MKRN1: variants seen among roughly 807,000 people sequenced by gnomAD.
The protein encoded by MKRN1 is makorin ring finger protein 1, also known as E3 ubiquitin-protein ligase makorin-1.
Under a neutral mutation model 55.5 loss-of-function variants are expected in MKRN1, and 9 were observed. The ratio of observed to expected loss-of-function variants is 0.16; its 90% CI spans 0.10 to 0.28. The LOEUF (loss-of-function observed/expected upper bound fraction) is 0.28. Among genes scored for constraint, MKRN1 ranks in the 10% least tolerant of loss-of-function variants. The pLI, the probability that MKRN1 is intolerant of heterozygous loss-of-function variation, is 1.00. For missense variants in MKRN1, 488 were observed against 626.7 expected (o/e 0.78, Z 2.36); for synonymous variants, 253 against 235.9 (o/e 1.07, Z -0.66).
At position 140,454,430 on chromosome 7, in the gene MKRN1, A is replaced by G; in HGVS notation, c.*87T>C. On this transcript the variant is annotated 3_prime_UTR_variant, in exon 8 of 8. Coordinates refer to ENST00000255977, the MANE Select transcript of MKRN1 (RefSeq NM_013446.4). Reference sequence around the variant, plus strand: ...GCACCTGGAGTTGAGAGGCCTGCCTAGGAGAGAACACAGGCACTGCCACAC... The same window carrying G: ...GCACCTGGAGTTGAGAGGCCTGCCTGGGAGAGAACACAGGCACTGCCACAC... 7.6e-7 allele frequency: 1 copy of G among 1,312,340 alleles called. No homozygotes were observed. Among genetic ancestry groups the G allele is most frequent in the Non-Finnish European group, 1.1e-6 (1 of 929,144 alleles). The allele number at this position is 1,312,340 out of a possible 1,614,324, so 81.3% of individuals were successfully genotyped here. A position where few individuals can be genotyped will look rare whatever the true frequency, so the allele number is the denominator to read the frequency against.
At chr7:140,468,078 A>C (rs1231377770) in intron 2 of MKRN1, among the ~76,000 whole-genome samples, 2 of 150,694 alleles carry the variant, frequency 1.3e-5, no homozygotes, top group Non-Finnish European at 2.9e-5. Context: ...CATTCACTCC[A>C]TCTACACAGT....
intron 2 of MKRN1, among the ~76,000 whole-genome samples, chr7:140,468,721 AAAAAGAC>A (rs1794839203): frequency 7.0e-6 from 1 of 142,676 alleles, no homozygotes; most frequent in South Asian, 2.2e-4. Flanking sequence ...AAAAAAAAAA[AAAAAGAC>A]ATGCCTGGTG....
chr7:140,473,701 AAAGGTAG>A (rs1347859525), intron 1 of MKRN1: 2 of 152,454 alleles, frequency 1.3e-5, no homozygotes, highest in African/African-American at 4.8e-5. Context: ...CTTGTTAGAA[AAAGGTAG>A]AAAGCCGGGT....
In MKRN1 at chr7:140,479,290, C is replaced by A. The variant is rs1457592414; in HGVS notation, c.55G>T (p.Ala19Ser). ...TTATTSGAGA[A>S]AATAAAASPT... is the part of the protein sequence containing the mutation. ...GAGGCTGCTGCCGCCGTCGCCGCTG[C>A]CGCTCCTGCTCCTGATGTTGTGGCT... is the stretch of plus-strand genomic sequence containing the variant. The change falls in exon 1 of 8, where the codon GCA becomes TCA. Residue 19 changes from alanine to serine, a missense_variant. Transcript: ENST00000255977. 1.4e-6 allele frequency: 2 copies of A among 1,387,734 alleles called. No homozygotes were observed. The highest frequency in any genetic ancestry group is 9.3e-7 in the Non-Finnish European group (1 of 1,070,384). The allele number at this position is 1,387,734 out of a possible 1,614,324, so 86.0% of individuals were successfully genotyped here. A position where few individuals can be genotyped will look rare whatever the true frequency, so the allele number is the denominator to read the frequency against.
chr7:140,470,382 C>T (rs999589341), intron 2 of MKRN1, among the ~76,000 whole-genome samples: 7 of 151,906 alleles, frequency 4.6e-5, no homozygotes, highest in Admixed American at 6.6e-5. Context: ...GTCAGGAGTT[C>T]GAGACCAGCC....
intron 2 of MKRN1, among the ~76,000 whole-genome samples, chr7:140,469,086 G>A (rs1318219526): frequency 6.6e-6 from 1 of 152,098 alleles, no homozygotes; most frequent in African/African-American, 2.4e-5. Context: ...CAGCACTTTG[G>A]GAGGCTGAGG....
intron 2 of MKRN1, among the ~76,000 whole-genome samples, chr7:140,463,684 G>C (rs1264365194): frequency 3.9e-5 from 6 of 151,962 alleles, no homozygotes; most frequent in Non-Finnish European, 8.8e-5. Flanking sequence ...AGGAGATGGA[G>C]ACCATCCTGG....
chr7:140,472,192 G>A lies in MKRN1; in HGVS notation c.186-181C>T, dbSNP rs966831303. 7.5e-6 allele frequency: 6 copies of A among 798,074 alleles called. No homozygotes were observed. The African/African-American group carries it at 1.1e-4, about 14-fold the overall frequency. The allele number at this position is 798,074 out of a possible 1,614,324, so 49.4% of individuals were successfully genotyped here. A position where few individuals can be genotyped will look rare whatever the true frequency, so the allele number is the denominator to read the frequency against. ...CCCAGTACCTTTGGGAGGCTGAGGT[G>A]AGTGGCTCACCTGAGGTCAGGGGTC... On this transcript the variant is annotated intron_variant, in intron 1 of 7. Coordinates refer to ENST00000255977, the MANE Select transcript of MKRN1 (RefSeq NM_013446.4).
At chr7:140,461,164 C>T (rs1252780713) in intron 2 of MKRN1, among the ~76,000 whole-genome samples, 1 of 152,214 alleles carries the variant, frequency 6.6e-6, no homozygotes, top group African/African-American at 2.4e-5. Context: ...AATGCTGTCA[C>T]TATTAAAAGG....
Position 140,455,153 on chromosome 7 carries a change from G to A in MKRN1, c.1178C>T (p.Pro393Leu). 6.2e-7 allele frequency: 1 copy of A among 1,614,066 alleles called. No individual in the cohort carries two copies. The highest frequency in any genetic ancestry group is 8.5e-7 in the Non-Finnish European group (1 of 1,180,018). The change falls in exon 7 of 8, where the codon CCT becomes CTT. Residue 393 changes from proline (P) to leucine (L), a missense_variant. Transcript: ENST00000255977. ...GGNCFYKHAY[P>L]DGRREEPQRQ... The stretch of plus-strand genomic sequence containing the variant: ...CTGTGGCTCCTCTCTACGGCCATCA[G>A]GGTACGCATGCTTGTAAAAACAGTT...
At position 140,471,950 on chromosome 7, in the gene MKRN1, C is replaced by T; in HGVS notation, c.247G>A (p.Asp83Asn). Residue 83 changes from aspartate to asparagine, a missense_variant, in exon 2 of 8, where the codon GAC becomes AAC. Transcript: ENST00000255977. ...TTGCACACTACACTATACGGACTGT[C>T]AGAGAGGTCATGCGAGTAGCGACAG... The part of the protein sequence containing the change: ...DNCRYSHDLS[D>N]SPYSVVCKYF... The T allele has an allele frequency of 6.2e-7, 1 of 1,614,130 alleles. No individual in the cohort carries two copies. Among genetic ancestry groups the T allele is most frequent in the Non-Finnish European group, 8.5e-7 (1 of 1,180,030 alleles).
At chr7:140,454,939 C>A (rs1794425014) in intron 7 of MKRN1, among the ~76,000 whole-genome samples, 156 bp downstream of exon 7, 1 of 152,132 alleles carries the variant, frequency 6.6e-6, no homozygotes. Flanking sequence ...CCTTTCCTAT[C>A]CCTCCCAGTT....
intron 5 of MKRN1, 176 bp downstream of exon 5, chr7:140,456,476 G>A: frequency 7.0e-7 from 1 of 1,430,406 alleles, no homozygotes; most frequent in Non-Finnish European, 9.1e-7. Context: ...AAAGTAGATA[G>A]ACCAACTAAC....
In MKRN1 at chr7:140,453,674, A is replaced by G. The variant is rs1388449970; in HGVS notation, c.*843T>C. On this transcript the variant is annotated 3_prime_UTR_variant, in exon 8 of 8. Transcript: ENST00000255977. ...AGCACTGCTATATTGACAACTACCA[A>G]TATACTGCTTTGCCCTTTAAGATCT... 1 of 152,312 alleles carries G rather than the reference A, an allele frequency of 6.6e-6. No homozygotes were observed. Among genetic ancestry groups the G allele is most frequent in the Non-Finnish European group, 1.5e-5 (1 of 68,084 alleles). 9.4% of individuals were successfully genotyped at this position (152,312 alleles called of 1,614,324 possible). A position where few individuals can be genotyped will look rare whatever the true frequency, so the allele number is the denominator to read the frequency against.
chr7:140,468,954 C>T (rs1794844720), intron 2 of MKRN1, among the ~76,000 whole-genome samples: 2 of 152,068 alleles, frequency 1.3e-5, no homozygotes, highest in Admixed American at 1.3e-4. Flanking sequence ...ACATTAATAT[C>T]CCACACCATC....
At chr7:140,473,925 G>A (rs893559219) in intron 1 of MKRN1, 15 of 150,618 alleles carry the variant, frequency 1.0e-4, no homozygotes, top group African/African-American at 3.7e-4. Flanking sequence ...CCAGGAGATG[G>A]CGATTGCACC....
intron 1 of MKRN1, chr7:140,473,246 C>CA (rs1260685540): frequency 2.2e-6 from 1 of 448,742 alleles, no homozygotes; most frequent in Non-Finnish European, 4.4e-6. Context: ...AGATTCACCC[C>CA]AAGTTGAGTT....
chr7:140,472,171 G>T, intron 1 of MKRN1, 160 bp from the exon 2 acceptor site: 1 of 997,416 alleles, frequency 1.0e-6, no homozygotes, highest in South Asian at 1.6e-5. Flanking sequence ...TGTAATCCCA[G>T]TACCTTTGGG....
intron 2 of MKRN1, among the ~76,000 whole-genome samples, chr7:140,470,510 A>T (rs1340195274): frequency 1.3e-5 from 2 of 148,688 alleles, no homozygotes; most frequent in East Asian, 2.1e-4. Flanking sequence ...GCTTGAACCC[A>T]GGAGGCGGAG....
Sources: gnomAD v4.1 joint callset for allele counts (sites outside exome capture counted in the v4.1 genomes callset) on GRCh38, gnomAD v4.1.1 for gene constraint, MANE v1.5 for transcripts, NCBI Gene and HGNC (gene_info 2026-07-23, HGNC 2026-07-21) for gene names.